Variants in CACNA1H observed in about 807,000 individuals in gnomAD.
CACNA1H encodes calcium voltage-gated channel subunit alpha1 H, also known as voltage-dependent T-type calcium channel subunit alpha-1H.
A neutral mutation model predicts 192.5 loss-of-function variants in CACNA1H; 149 were observed. The observed-to-expected ratio is 0.77, with a 90% CI of 0.68 to 0.89. CACNA1H has a LOEUF of 0.89. Ranked by LOEUF, CACNA1H falls within the 40% of genes least tolerant of loss-of-function variation. CACNA1H has a pLI of 0.00. For synonymous variants in CACNA1H, 2,202 were observed against 1,475.2 expected (o/e 1.49, Z -11.29); for missense variants, 4,257 against 3,423.5 (o/e 1.24, Z -6.08).
intron 2 of CACNA1H, among the ~76,000 whole-genome samples, chr16:1,181,758 G>A (rs1270418488): frequency 6.6e-6 from 1 of 152,180 alleles, no homozygotes; most frequent in African/African-American, 2.4e-5. Context: ...GGAGGTGGGG[G>A]ACCCGCCCTC....
chr16:1,180,175 G>A lies in CACNA1H; in HGVS notation c.300-14797G>A, dbSNP rs536002383. ...GGCTGGGTCCCTGTCCCTGCACACCGGGTCAGCCGGCTCCTGGGTGCACAG... is the reference window on the plus strand; with the variant it reads ...GGCTGGGTCCCTGTCCCTGCACACCAGGTCAGCCGGCTCCTGGGTGCACAG... On this transcript the variant is annotated intron_variant, in intron 2 of 34. Transcript: ENST00000348261. This position sits in a 1 kb window ranked among gnomAD's most constrained non-coding sequence, Gnocchi z 4.4. Among the ~76,000 whole-genome samples, 4 of 152,250 alleles carry A rather than the reference G, an allele frequency of 2.6e-5. No individual in the cohort carries two copies. Among genetic ancestry groups the A allele is most frequent in the East Asian group, 1.9e-4 (1 of 5,160 alleles).
chr16:1,154,714 C>T (rs1210276049), intron 2 of CACNA1H, among the ~76,000 whole-genome samples: 2 of 152,174 alleles, frequency 1.3e-5, no homozygotes, highest in Non-Finnish European at 2.9e-5. Context: ...CCAGCCCCTT[C>T]CCTGGCTGGA....
chr16:1,155,593 T>G (rs768401171), intron 2 of CACNA1H, among the ~76,000 whole-genome samples: 1 of 151,816 alleles, frequency 6.6e-6, no homozygotes, highest in Non-Finnish European at 1.5e-5. Flanking sequence ...AGGGAAAGAG[T>G]TGAGCAAGCC....
At position 1,210,344 on chromosome 16, in the gene CACNA1H, C is replaced by T. The variant is rs199705282; in HGVS notation, c.3846-26C>T. ...CTGCCATCCACGCCGCCCCGCCCCA[C>T]CTCTCACCCGCCCCCGCCCACCCAG... On this transcript the variant is annotated intron_variant, in intron 18 of 34. Transcript: ENST00000348261. The T allele has an allele frequency of 2.7e-4, 281 of 1,051,208 alleles. 3 individuals carry two copies. In the East Asian group the frequency reaches 7.3e-3, roughly 27 times the overall value. The allele number at this position is 1,051,208 out of a possible 1,614,324, so 65.1% of individuals were successfully genotyped here.
At chr16:1,176,218 G>A (rs1047583449) in intron 2 of CACNA1H, among the ~76,000 whole-genome samples, 3 of 152,208 alleles carry the variant, frequency 2.0e-5, no homozygotes, top group South Asian at 2.1e-4. Flanking sequence ...TGTTTGTGCT[G>A]GAGCTGCCCT....
chr16:1,175,472 C>T (rs1964787480), intron 2 of CACNA1H, among the ~76,000 whole-genome samples: 2 of 152,184 alleles, frequency 1.3e-5, no homozygotes, highest in African/African-American at 4.8e-5. Context: ...CTGCTGGGCC[C>T]TGGCCTGGGC....
In CACNA1H at chr16:1,210,847, C is replaced by T. The variant is rs1269723098; in HGVS notation, c.4099C>T (p.Leu1367=). The T allele has an allele frequency of 5.0e-6, 8 of 1,605,060 alleles. No individual in the cohort carries two copies. The African/African-American group carries it at 5.3e-5, about 11-fold the overall frequency. Residue 1367 remains leucine, a synonymous_variant, in exon 21 of 35, where the codon CTG becomes TTG. Transcript: ENST00000348261. ...HAYLQSSWNL[L]DGLLVLVSLV... ...CTACCTGCAGAGCAGCTGGAACCTG[C>T]TGGATGGGCTGCTGGTGCTGGTGTC...
At position 1,200,826 on chromosome 16, in the gene CACNA1H, T is replaced by C. The variant is rs11863387; in HGVS notation, c.1212+18T>C. ...TCATCATCGTGAGTGTGGGCGGCAG[T>C]GTTCGCCATGATGGGCCCTGGTGTT... On this transcript the variant is annotated intron_variant, in intron 8 of 34. Coordinates refer to ENST00000348261, the MANE Select transcript of CACNA1H (RefSeq NM_021098.3). 497 of 1,544,254 alleles carry C rather than the reference T, an allele frequency of 3.2e-4. 1 individual carries two copies. In the African/African-American group the frequency reaches 5.9e-3, roughly 18 times the overall value.
chr16:1,153,141 C>T lies in CACNA1H; in HGVS notation c.-348C>T, dbSNP rs977576539. ...TTCCTGCGCCGCGCGCGGACGGGCT[C>T]GAGGCTCGCTCGCTGCCTCACCGGT... is the stretch of plus-strand genomic sequence containing the variant. On this transcript the variant is annotated 5_prime_UTR_variant, in exon 1 of 35. Coordinates refer to ENST00000348261, the MANE Select transcript of CACNA1H (RefSeq NM_021098.3). 11 of 144,382 alleles carry T rather than the reference C, an allele frequency of 7.6e-5. No individual in the cohort carries two copies. Among genetic ancestry groups the T allele is most frequent in the South Asian group, 1.9e-4 (1 of 5,190 alleles). 8.9% of individuals were successfully genotyped at this position (144,382 alleles called of 1,614,324 possible).
intron 6 of CACNA1H, 173 bp downstream of exon 6, chr16:1,198,947 C>T: frequency 1.6e-6 from 1 of 629,780 alleles, no homozygotes; most frequent in South Asian, 2.0e-5. Context: ...CCGCCCCCAC[C>T]CCCCATCATG....
intron 2 of CACNA1H, among the ~76,000 whole-genome samples, chr16:1,194,129 G>A (rs564309626): frequency 6.6e-5 from 10 of 152,196 alleles, no homozygotes; most frequent in South Asian, 6.2e-4. Context: ...GGCGGCCCCC[G>A]AGAGTCAAGC....
At chr16:1,175,801 C>T (rs766191725) in intron 2 of CACNA1H, among the ~76,000 whole-genome samples, 5 of 152,272 alleles carry the variant, frequency 3.3e-5, no homozygotes, top group East Asian at 1.9e-4. Flanking sequence ...CGTTGCAGGC[C>T]GCGGGCGAGT....
Position 1,221,501 on chromosome 16 carries a change from C to G in CACNA1H, c.*507C>G, listed in dbSNP as rs1001107656. 3 of 392,314 alleles carry G rather than the reference C, an allele frequency of 7.6e-6. No homozygotes were observed. The highest frequency in any genetic ancestry group is 6.3e-5 in the African/African-American group (3 of 47,660). 24.3% of individuals were successfully genotyped at this position (392,314 alleles called of 1,614,324 possible). On this transcript the variant is annotated 3_prime_UTR_variant, in exon 35 of 35. Coordinates refer to ENST00000348261, the MANE Select transcript of CACNA1H (RefSeq NM_021098.3). ...CTTCCAGCCACCACCCTTTCCGTTC[C>G]GCTCGGGCCTTCCCAGAAGCGTCCT...
Position 1,221,320 on chromosome 16 carries a change from T to G in CACNA1H, c.*326T>G. On this transcript the variant is annotated 3_prime_UTR_variant, in exon 35 of 35. Transcript: ENST00000348261. ...CGGGCACCCGCCAGAGAGGGGAAGG[T>G]ACCAGGTTGCGTCCTTTCAGGCCCC... 2.6e-6 allele frequency: 1 copy of G among 383,334 alleles called. No individual in the cohort carries two copies. The highest frequency in any genetic ancestry group is 4.7e-6 in the Non-Finnish European group (1 of 214,542). 23.7% of individuals were successfully genotyped at this position (383,334 alleles called of 1,614,324 possible). A position where few individuals can be genotyped will look rare whatever the true frequency, so the allele number is the denominator to read the frequency against.
intron 4 of CACNA1H, 80 bp downstream of exon 4, chr16:1,195,645 A>G (rs1966881856): frequency 6.8e-7 from 1 of 1,465,152 alleles, no homozygotes; most frequent in Admixed American, 2.1e-5. Flanking sequence ...TCCCACCTGT[A>G]AAGAAAAATG....
intron 12 of CACNA1H, 88 bp from the exon 13 acceptor site, chr16:1,206,913 T>A: frequency 1.4e-5 from 1 of 70,700 alleles, no homozygotes; most frequent in Non-Finnish European, 2.7e-5. Context: ...TGCCCCTCCC[T>A]CCTCCCACCC....
At chr16:1,213,979 G>C (rs1969767615) in intron 27 of CACNA1H, 48 bp downstream of exon 27, 1 of 1,528,602 alleles carries the variant, frequency 6.5e-7, no homozygotes, top group Admixed American at 1.9e-5. Flanking sequence ...GGCACCCCCA[G>C]TGGGGCAGCC....
intron 28 of CACNA1H, 73 bp downstream of exon 28, chr16:1,215,154 C>T: frequency 6.3e-7 from 1 of 1,580,354 alleles, no homozygotes; most frequent in Non-Finnish European, 8.6e-7. Flanking sequence ...GGTGAGGCCG[C>T]AGGCTTTCCC....
chr16:1,210,928 G>T lies in CACNA1H; in HGVS notation c.4180G>T (p.Val1394Phe). ...GGCTGGTGGCGCCAAGATCCTGGGT[G>T]TTCTGCGCGTGCTGCGTCTGCTGCG... ...ASAGGAKILG[V>F]LRVLRLLRTL... The change falls in exon 21 of 35, where the codon GTT (valine) becomes TTT (phenylalanine). Residue 1394 changes from valine to phenylalanine, a missense_variant. Coordinates refer to ENST00000348261, the MANE Select transcript of CACNA1H (RefSeq NM_021098.3). 6.2e-7 allele frequency: 1 copy of T among 1,601,994 alleles called. No individual in the cohort carries two copies. The highest frequency in any genetic ancestry group is 8.5e-7 in the Non-Finnish European group (1 of 1,179,668).
Sources: gnomAD v4.1 joint callset for allele counts (sites outside exome capture counted in the v4.1 genomes callset) on GRCh38, gnomAD v4.1.1 for gene constraint, Gnocchi (gnomAD v3.1) non-coding constraint, MANE v1.5 for transcripts, NCBI Gene and HGNC (gene_info 2026-07-23, HGNC 2026-07-21) for gene names.